BTG4: variants seen among roughly 807,000 people sequenced by gnomAD.
The protein encoded by BTG4 is BTG anti-proliferation factor 4.
A neutral mutation model predicts 19.3 loss-of-function variants in BTG4; 10 were observed. That is an observed-to-expected ratio of 0.52 (90% CI 0.32 to 0.88). The LOEUF is 0.88. Among genes scored for constraint, BTG4 ranks in the 40% least tolerant of loss-of-function variants. The pLI is 0.04. For missense variants in BTG4, 238 were observed against 281.9 expected, an observed-to-expected ratio of 0.84 and a Z score of 1.11; for synonymous variants, 91 against 95.7, an observed-to-expected ratio of 0.95 and a Z score of 0.29.
intron 1 of BTG4, among the ~76,000 whole-genome samples, chr11:111,503,419 A>G (rs1866227027): frequency 6.6e-6 from 1 of 152,222 alleles, no homozygotes; most frequent in African/African-American, 2.4e-5. Context: ...AGTAGAAGAG[A>G]AAATTACTGC....
intron 1 of BTG4, among the ~76,000 whole-genome samples, chr11:111,511,128 G>T (rs1209368247): frequency 6.6e-6 from 1 of 152,224 alleles, no homozygotes; most frequent in Non-Finnish European, 1.5e-5. Flanking sequence ...CCCTCACAAA[G>T]ATAAGATGAA....
downstream of BTG4, among the ~76,000 whole-genome samples, chr11:111,465,636 A>T (rs1057137343): frequency 3.9e-5 from 6 of 152,216 alleles, no homozygotes; most frequent in Non-Finnish European, 5.9e-5. Context: ...CTTTCCCCAG[A>T]CCCTGTGCTC....
chr11:111,420,068 A>T, the BTG4 span, among the ~76,000 whole-genome samples: 140,135 of 152,176 alleles, frequency 0.92, 64,870 homozygotes, highest in East Asian at 1. Context: ...GGACAACTGT[A>T]GTGTCCTAGA....
chr11:111,423,971 G>A, the BTG4 span, among the ~76,000 whole-genome samples: 83 of 152,182 alleles, frequency 5.5e-4, no homozygotes, highest in Non-Finnish European at 1.1e-3. Flanking sequence ...TCACCACAGA[G>A]ACCCTCCCCA....
At chr11:111,480,371 G>A (rs1591472113) in intron 5 of BTG4, among the ~76,000 whole-genome samples, 1 of 151,964 alleles carries the variant, frequency 6.6e-6, no homozygotes, top group African/African-American at 2.4e-5. Flanking sequence ...ATTATAGTTG[G>A]AGACTTCAAT....
the BTG4 span, among the ~76,000 whole-genome samples, chr11:111,422,204 C>A: frequency 4.6e-5 from 7 of 152,164 alleles, no homozygotes; most frequent in African/African-American, 1.7e-4. Context: ...AAGGGAGCCC[C>A]AGCAAATCGT....
At chr11:111,479,197 A>G (rs771988235) in intron 5 of BTG4, among the ~76,000 whole-genome samples, 2 of 152,168 alleles carry the variant, frequency 1.3e-5, no homozygotes, top group African/African-American at 2.4e-5. Context: ...GAAGCCAGGA[A>G]GAAGTGGCAC....
At chr11:111,493,549 C>G (rs1487372036), downstream of BTG4, among the ~76,000 whole-genome samples, 1 of 152,146 alleles carries the variant, frequency 6.6e-6, no homozygotes, top group Non-Finnish European at 1.5e-5. Flanking sequence ...ATCTGGAGAC[C>G]AGAATTCACC....
the BTG4 span, among the ~76,000 whole-genome samples, chr11:111,427,871 A>T: frequency 3.9e-5 from 6 of 152,200 alleles, no homozygotes; most frequent in Non-Finnish European, 5.9e-5. Flanking sequence ...ATATGACAAT[A>T]GAGTGACAGA....
chr11:111,467,808 G>A (rs1591439880), intron 5 of BTG4: 2 of 566,820 alleles, frequency 3.5e-6, no homozygotes, highest in Non-Finnish European at 6.2e-6. Context: ...ATGTCACAGT[G>A]TAAGAGCTTT....
chr11:111,513,292 T>C, upstream of BTG4: 1 of 463,672 alleles, frequency 2.2e-6, no homozygotes. Flanking sequence ...GTTAATACTG[T>C]ATGCTGTGAT....
upstream of BTG4, among the ~76,000 whole-genome samples, chr11:111,512,691 T>TG (rs1249564671): frequency 1.3e-5 from 2 of 151,752 alleles, no homozygotes; most frequent in African/African-American, 4.8e-5. Context: ...CTGGGGGTCA[T>TG]GGGGGTCGGG....
the BTG4 span, among the ~76,000 whole-genome samples, chr11:111,446,388 C>T: frequency 6.6e-6 from 1 of 152,088 alleles, no homozygotes; most frequent in Non-Finnish European, 1.5e-5. Flanking sequence ...AAGTTCCTCG[C>T]AAAACTTTGA....
At chr11:111,457,951 G>A in the BTG4 span, 6 of 152,640 alleles carry the variant, frequency 3.9e-5, no homozygotes, top group Non-Finnish European at 8.8e-5. Context: ...GGCTCCAGGG[G>A]GCTTCCTGAC....
chr11:111,422,069 AC>A, the BTG4 span, among the ~76,000 whole-genome samples: 44 of 152,352 alleles, frequency 2.9e-4, no homozygotes, highest in South Asian at 8.9e-3. Flanking sequence ...TTCTCTATGC[AC>A]CAAGAGAGAA....
At chr11:111,390,705 G>C in the BTG4 span, among the ~76,000 whole-genome samples, 1 of 152,204 alleles carries the variant, frequency 6.6e-6, no homozygotes, top group Non-Finnish European at 1.5e-5. Context: ...GACAGAGACA[G>C]AAGGTTTTTT....
At chr11:111,410,932 C>T in the BTG4 span, among the ~76,000 whole-genome samples, 2 of 152,174 alleles carry the variant, frequency 1.3e-5, no homozygotes, top group Non-Finnish European at 1.5e-5. Flanking sequence ...GTCAGAAAAT[C>T]CTATTAATTT....
chr11:111,429,408 C>G, the BTG4 span, among the ~76,000 whole-genome samples: 1 of 152,114 alleles, frequency 6.6e-6, no homozygotes, highest in African/African-American at 2.4e-5. Flanking sequence ...GCAGCCTGCT[C>G]AAGGTCACGT....
chr11:111,459,417 T>A, the BTG4 span, among the ~76,000 whole-genome samples: 1 of 152,196 alleles, frequency 6.6e-6, no homozygotes, highest in Admixed American at 6.5e-5. Context: ...CAATTCCCAC[T>A]TGCTTCTTCC....
Sources: gnomAD v4.1 joint callset for allele counts (sites outside exome capture counted in the v4.1 genomes callset) on GRCh38, gnomAD v4.1.1 for gene constraint, MANE v1.5 for transcripts, NCBI Gene and HGNC (gene_info 2026-07-23, HGNC 2026-07-21) for gene names.